The following RNF144A variants were observed in gnomAD, a reference collection of about 807,000 sequenced individuals.
RNF144A encodes ring finger protein 144A, also known as E3 ubiquitin-protein ligase RNF144A.
A neutral mutation model predicts 38.7 loss-of-function variants in RNF144A; 11 were observed. That is an observed-to-expected ratio of 0.28 (90% CI 0.18 to 0.47). The LOEUF (loss-of-function observed/expected upper bound fraction) is 0.47. Ranked by LOEUF, RNF144A falls within the 20% of genes least tolerant of loss-of-function variation. The pLI is 0.99. For missense variants in RNF144A, 316 were observed against 377.2 expected (o/e 0.84, Z 1.34); for synonymous variants, 149 against 143.9 (o/e 1.04, Z -0.25).
the RNF144A span, among the ~76,000 whole-genome samples, chr2:7,073,397 C>T: frequency 6.9e-6 from 1 of 145,492 alleles, no homozygotes; most frequent in Non-Finnish European, 1.5e-5. Context: ...TGTATGAAGG[C>T]CAACATGAGG....
intron 2 of RNF144A, among the ~76,000 whole-genome samples, chr2:6,995,881 G>C (rs1176371353): frequency 6.6e-6 from 1 of 152,178 alleles, no homozygotes; most frequent in Non-Finnish European, 1.5e-5. Flanking sequence ...CCACCACAGG[G>C]AGGAAGGGAT....
chr2:6,947,754 A>C (rs116587109), intron 2 of RNF144A, among the ~76,000 whole-genome samples: 3,031 of 152,318 alleles, frequency 0.02, 97 homozygotes, highest in African/African-American at 0.07. Context: ...CAGGCCACAC[A>C]GTGCCAATGA....
chr2:6,982,689 TG>T (rs1476420771), intron 2 of RNF144A, among the ~76,000 whole-genome samples: 1 of 152,160 alleles, frequency 6.6e-6, no homozygotes, highest in Non-Finnish European at 1.5e-5. Flanking sequence ...TGGCCATGTC[TG>T]TAGCAATCAG....
intron 8 of RNF144A, among the ~76,000 whole-genome samples, chr2:7,033,478 C>T (rs1672459782): frequency 6.6e-6 from 1 of 152,230 alleles, no homozygotes; most frequent in Non-Finnish European, 1.5e-5. Flanking sequence ...CCTCCAGGCT[C>T]ACTCTGAACT....
chr2:7,011,062 C>T (rs1008880456), intron 3 of RNF144A, among the ~76,000 whole-genome samples: 4 of 151,530 alleles, frequency 2.6e-5, no homozygotes, highest in Non-Finnish European at 4.4e-5. Context: ...CATACAATTC[C>T]TTGTTCTACA....
chr2:6,931,524 C>T (rs1193813562), intron 1 of RNF144A, among the ~76,000 whole-genome samples: 2 of 152,212 alleles, frequency 1.3e-5, no homozygotes, highest in Non-Finnish European at 2.9e-5. Flanking sequence ...AAAAGACTGC[C>T]CTCTGGTCCA....
At chr2:7,057,173 T>A (rs974004870) in intron 6 of RNF144A, among the ~76,000 whole-genome samples, 10 of 152,242 alleles carry the variant, frequency 6.6e-5, no homozygotes, top group Admixed American at 6.5e-4. Flanking sequence ...CAGACCTTTC[T>A]ATATACCCTA....
chr2:6,917,452 C>G lies in RNF144A; in HGVS notation c.-382C>G, dbSNP rs1444405553. 3.4e-5 allele frequency: 5 copies of G among 146,930 alleles called. No individual in the cohort carries two copies. The highest frequency in any genetic ancestry group is 7.3e-5 in the African/African-American group (3 of 40,896). 9.1% of individuals were successfully genotyped at this position (146,930 alleles called of 1,614,324 possible). On this transcript the variant is annotated 5_prime_UTR_variant, in exon 1 of 9. Coordinates refer to ENST00000320892, the MANE Select transcript of RNF144A (RefSeq NM_014746.6). The surrounding 1 kb of genome is among the most constrained non-coding windows in gnomAD (Gnocchi z 4.8). ...CGCCCCGCCCGCGCAGCCGCTTCTCCCCGCGCGGGCTCTCGGCAGGCGGGA... is the reference window on the plus strand; with the variant it reads ...CGCCCCGCCCGCGCAGCCGCTTCTCGCCGCGCGGGCTCTCGGCAGGCGGGA...
chr2:7,001,764 G>T (rs746445178), intron 3 of RNF144A, among the ~76,000 whole-genome samples: 22 of 152,330 alleles, frequency 1.4e-4, no homozygotes, highest in South Asian at 1.0e-3. Flanking sequence ...ACTCTTAGTG[G>T]TTTAAATAAA....
chr2:7,018,311 C>T lies in RNF144A; in HGVS notation c.302-2162C>T, dbSNP rs77468297. 7.4e-4 allele frequency among the ~76,000 whole-genome samples: 112 copies of T among 152,372 alleles called. No individual in the cohort carries two copies. In the East Asian group the frequency reaches 0.016, roughly 22 times the overall value. On this transcript the variant is annotated intron_variant, in intron 5 of 8. Transcript: ENST00000320892. The stretch of plus-strand genomic sequence containing the variant: ...CGCGCAGCGTGTTGTTTAGTGCACA[C>T]AGCACTTGCACCCTCCCGCAGGGCT...
chr2:7,053,508 A>T lies in RNF144A; in HGVS notation c.735-14708A>T, dbSNP rs550274008. 3.9e-5 allele frequency among the ~76,000 whole-genome samples: 6 copies of T among 152,212 alleles called. No homozygotes were observed. The South Asian group carries it at 1.2e-3, about 32-fold the overall frequency. ...TCAAGTTCTTTCCATTTGTTGGCAG[A>T]ATTTATTTCATTCTGTGTGACTGTG... On this transcript the variant is annotated intron_variant, in intron 6 of 6. Coordinates refer to the RNF144A transcript ENST00000432850.
At chr2:6,980,711 C>T (rs980672873) in intron 2 of RNF144A, among the ~76,000 whole-genome samples, 5 of 152,214 alleles carry the variant, frequency 3.3e-5, no homozygotes, top group Admixed American at 1.3e-4. Flanking sequence ...TTTCTGTGGT[C>T]TGCAGGACAG....
At chr2:7,030,062 G>C in intron 7 of RNF144A, 64 bp from the exon 8 acceptor site, 1 of 1,112,766 alleles carries the variant, frequency 9.0e-7, no homozygotes, top group South Asian at 1.3e-5. Flanking sequence ...ATCAATGGCT[G>C]TGATACTCAC....
intron 2 of RNF144A, among the ~76,000 whole-genome samples, chr2:6,968,458 A>G (rs1432746889): frequency 5.3e-5 from 8 of 152,184 alleles, no homozygotes; most frequent in Non-Finnish European, 7.3e-5. Flanking sequence ...CTCAGCTGGG[A>G]CAAACCACTG....
chr2:6,926,856 A>G (rs1273477772), intron 1 of RNF144A, among the ~76,000 whole-genome samples: 1 of 152,180 alleles, frequency 6.6e-6, no homozygotes, highest in African/African-American at 2.4e-5. Flanking sequence ...GGCAAAAACT[A>G]CTTGGTACCA....
At chr2:6,995,084 CAGGTGGGTGAATTCT>C (rs1669634124) in intron 2 of RNF144A, among the ~76,000 whole-genome samples, 4 of 152,166 alleles carry the variant, frequency 2.6e-5, no homozygotes, top group Admixed American at 2.6e-4. Context: ...TGGAATTCAC[CAGGTGGGTGAATTCT>C]CCCTTCTCCT....
At chr2:6,939,363 A>T (rs1665817969) in intron 1 of RNF144A, among the ~76,000 whole-genome samples, 1 of 152,134 alleles carries the variant, frequency 6.6e-6, no homozygotes, top group Non-Finnish European at 1.5e-5. Flanking sequence ...TCTTGTGCTT[A>T]TTGGCTATTT....
chr2:6,970,040 G>T (rs1177119424), intron 2 of RNF144A, among the ~76,000 whole-genome samples: 1 of 152,200 alleles, frequency 6.6e-6, no homozygotes, highest in African/African-American at 2.4e-5. Context: ...GATTACAGGC[G>T]TAAGCCACCG....
chr2:6,982,664 G>C lies in RNF144A; in HGVS notation c.-11-14252G>C, dbSNP rs141289546. ...GTAAAAGGAAGAGGGACAAGGGAGA[G>C]AGTGGTGAGAGCCCTGGCCATGTCT... On this transcript the variant is annotated intron_variant, in intron 2 of 8. Transcript: ENST00000320892. Among the ~76,000 whole-genome samples, 388 of 152,312 alleles carry C rather than the reference G, an allele frequency of 2.5e-3. 1 individual carries two copies. Among genetic ancestry groups the C allele is most frequent in the African/African-American group, 8.9e-3 (369 of 41,566 alleles).
Sources: gnomAD v4.1 joint callset for allele counts (sites outside exome capture counted in the v4.1 genomes callset) on GRCh38, gnomAD v4.1.1 for gene constraint, Gnocchi (gnomAD v3.1) non-coding constraint, MANE v1.5 for transcripts, NCBI Gene and HGNC (gene_info 2026-07-23, HGNC 2026-07-21) for gene names.